The following PTPN4 variants were observed in gnomAD, a reference collection of about 807,000 sequenced individuals.
The protein encoded by PTPN4 is protein tyrosine phosphatase non-receptor type 4.
In PTPN4, 49 loss-of-function variants were observed where a neutral mutation model predicts 135.5. The ratio of observed to expected loss-of-function variants is 0.36; its 90% CI spans 0.29 to 0.46. The LOEUF (loss-of-function observed/expected upper bound fraction) is 0.46. PTPN4 is among the 20% of genes least tolerant of loss of function. The pLI, the probability that PTPN4 is intolerant of heterozygous loss-of-function variation, is 1.00. For synonymous variants in PTPN4, 333 were observed against 369.9 expected, an observed-to-expected ratio of 0.90 and a Z score of 1.14; for missense variants, 860 against 1,101.0, an observed-to-expected ratio of 0.78 and a Z score of 3.10.
chr2:119,784,958 C>G (rs2860856), intron 1 of PTPN4, among the ~76,000 whole-genome samples: 1 of 151,952 alleles, frequency 6.6e-6, no homozygotes, highest in South Asian at 2.1e-4. Context: ...TTTTATGATA[C>G]TGAGGAGGAA....
At chr2:119,847,250 TAAG>T (rs1160544337) in intron 2 of PTPN4, among the ~76,000 whole-genome samples, 5 of 137,676 alleles carry the variant, frequency 3.6e-5, no homozygotes, top group African/African-American at 5.4e-5. Context: ...ATAAATCAGT[TAAG>T]AAAAAAAGGA....
chr2:119,886,605 T>G (rs1488836745), intron 9 of PTPN4, among the ~76,000 whole-genome samples: 1 of 152,212 alleles, frequency 6.6e-6, no homozygotes, highest in African/African-American at 2.4e-5. Context: ...GTGATAGCGT[T>G]TATCTTCTCT....
chr2:119,792,739 G>A (rs768204763), intron 1 of PTPN4, among the ~76,000 whole-genome samples: 11 of 152,084 alleles, frequency 7.2e-5, no homozygotes, highest in Non-Finnish European at 8.8e-5. Context: ...AGTGTCAGCC[G>A]GTCTGAGAAA....
Position 119,879,010 on chromosome 2 carries a change from A to G in PTPN4, c.368+1468A>G, listed in dbSNP as rs536520744. Among the ~76,000 whole-genome samples, 456 of 151,014 alleles carry G rather than the reference A, an allele frequency of 3.0e-3. 3 individuals are homozygous for G. Among genetic ancestry groups the G allele is most frequent in the African/African-American group, 8.7e-3 (360 of 41,252 alleles). On this transcript the variant is annotated intron_variant, in intron 5 of 26. Coordinates refer to ENST00000263708, the MANE Select transcript of PTPN4 (RefSeq NM_002830.4). ...GGGGAGGCTGAGGCAGGAGAATGGC[A>G]TGAACCCGGGAGGCAGAGCTGGCAG... is the stretch of plus-strand genomic sequence containing the variant.
chr2:119,784,384 ATT>A (rs35755705), intron 1 of PTPN4, among the ~76,000 whole-genome samples: 3 of 107,970 alleles, frequency 2.8e-5, no homozygotes, highest in African/African-American at 3.6e-5. Flanking sequence ...TGCCCACCTA[ATT>A]TTTTTTTTTT....
intron 13 of PTPN4, among the ~76,000 whole-genome samples, chr2:119,927,260 C>A (rs923688477): frequency 1.8e-4 from 28 of 151,742 alleles, no homozygotes; most frequent in African/African-American, 6.8e-4. Flanking sequence ...ATTACGCATG[C>A]CACCACACCT....
intron 9 of PTPN4, among the ~76,000 whole-genome samples, chr2:119,897,971 C>T (rs1442944197): frequency 1.3e-5 from 2 of 152,118 alleles, no homozygotes; most frequent in African/African-American, 2.4e-5. Context: ...GTAGTTGGTC[C>T]GTGAAGAGAC....
At chr2:119,842,103 A>C (rs1677390161) in intron 2 of PTPN4, among the ~76,000 whole-genome samples, 1 of 152,206 alleles carries the variant, frequency 6.6e-6, no homozygotes, top group Non-Finnish European at 1.5e-5. Flanking sequence ...TTAATCTGTT[A>C]TGCAGAGGAG....
intron 12 of PTPN4, among the ~76,000 whole-genome samples, chr2:119,923,566 A>G (rs1216111539): frequency 6.6e-6 from 1 of 152,200 alleles, no homozygotes; most frequent in Admixed American, 6.5e-5. Flanking sequence ...AGAGAATATA[A>G]CATCTCCAGG....
chr2:119,938,908 G>A (rs909126122), intron 15 of PTPN4, among the ~76,000 whole-genome samples: 2 of 151,786 alleles, frequency 1.3e-5, no homozygotes, highest in African/African-American at 4.8e-5. Flanking sequence ...CAGTTACTTT[G>A]TTTTAGATGC....
chr2:119,874,748 A>C (rs1677961078), intron 3 of PTPN4, among the ~76,000 whole-genome samples: 1 of 152,206 alleles, frequency 6.6e-6, no homozygotes, highest in Non-Finnish European at 1.5e-5. Flanking sequence ...CATACATGTT[A>C]AAATGGTAAA....
intron 2 of PTPN4, among the ~76,000 whole-genome samples, chr2:119,833,354 A>G (rs1296115356): frequency 6.6e-6 from 1 of 151,794 alleles, no homozygotes; most frequent in Non-Finnish European, 1.5e-5. Context: ...TTCCTATTCT[A>G]ATGGTCTCTT....
At chr2:119,768,730 G>A (rs1419265099) in intron 1 of PTPN4, among the ~76,000 whole-genome samples, 1 of 152,128 alleles carries the variant, frequency 6.6e-6, no homozygotes, top group African/African-American at 2.4e-5. Context: ...CGCCTCTGAG[G>A]CCTGTGGCAT....
chr2:119,970,783 C>G lies in PTPN4; in HGVS notation c.2694+2811C>G, dbSNP rs555308242. ...ATGCTGCCATGAATTTTTATGTGAA[C>G]ATACGTTTTCATTTATCTTGGGTAT... On this transcript the variant is annotated intron_variant, in intron 26 of 26. Coordinates refer to ENST00000263708, the MANE Select transcript of PTPN4 (RefSeq NM_002830.4). 3.3e-5 allele frequency among the ~76,000 whole-genome samples: 5 copies of G among 152,236 alleles called. No homozygotes were observed. In the South Asian group the frequency reaches 1.0e-3, roughly 32 times the overall value.
intron 12 of PTPN4, among the ~76,000 whole-genome samples, chr2:119,921,075 G>A (rs1231374872): frequency 6.6e-6 from 1 of 152,116 alleles, no homozygotes; most frequent in Admixed American, 6.5e-5. Context: ...GAGGTCAGGA[G>A]TTCAAGACCA....
chr2:119,977,197 A>T lies in PTPN4; in HGVS notation c.*127A>T, dbSNP rs1679630983. The T allele has an allele frequency of 1.5e-6, 2 of 1,354,172 alleles. No individual in the cohort carries two copies. The allele number at this position is 1,354,172 out of a possible 1,614,324, so 83.9% of individuals were successfully genotyped here. A position where few individuals can be genotyped will look rare whatever the true frequency, so the allele number is the denominator to read the frequency against. ...TGAAGAACTCAAAAAAACTTTGAAA[A>T]CTTCAGCACTGTTGCACTTTATGTT... On this transcript the variant is annotated 3_prime_UTR_variant, in exon 27 of 27. Transcript: ENST00000263708.
chr2:119,864,990 C>G (rs1677812210), intron 3 of PTPN4, among the ~76,000 whole-genome samples: 1 of 152,090 alleles, frequency 6.6e-6, no homozygotes, highest in Admixed American at 6.6e-5. Context: ...TTTCATAAGA[C>G]ATTATCCCAA....
At chr2:119,854,449 C>T (rs1156938089) in intron 2 of PTPN4, among the ~76,000 whole-genome samples, 1 of 152,142 alleles carries the variant, frequency 6.6e-6, no homozygotes, top group Non-Finnish European at 1.5e-5. Context: ...CGTAATATTC[C>T]CCCCTGAGGA....
chr2:119,769,924 TA>T (rs1690704179), intron 1 of PTPN4, among the ~76,000 whole-genome samples: 1 of 152,258 alleles, frequency 6.6e-6, no homozygotes, highest in Non-Finnish European at 1.5e-5. Flanking sequence ...GTTAAATTTG[TA>T]TCTTGTGTTT....
Sources: gnomAD v4.1 joint callset for allele counts (sites outside exome capture counted in the v4.1 genomes callset) on GRCh38, gnomAD v4.1.1 for gene constraint, MANE v1.5 for transcripts, NCBI Gene and HGNC (gene_info 2026-07-23, HGNC 2026-07-21) for gene names.